Variants in HHIPL2 observed in about 807,000 individuals in gnomAD.
HHIPL2 encodes HHIP like 2.
In HHIPL2, 61 loss-of-function variants were observed where a neutral mutation model predicts 61.0. That is an observed-to-expected ratio of 1.00 (90% CI 0.81 to 1.24). The LOEUF is 1.24. Ranked by LOEUF, HHIPL2 falls within the 50% of genes most tolerant of loss-of-function variation. HHIPL2 has a pLI of 0.00. For missense variants in HHIPL2, 885 were observed against 910.2 expected (o/e 0.97, Z 0.36); for synonymous variants, 343 against 357.4 (o/e 0.96, Z 0.45).
At chr1:222,540,849 T>A (rs956422193) in intron 3 of HHIPL2, among the ~76,000 whole-genome samples, 1 of 152,266 alleles carries the variant, frequency 6.6e-6, no homozygotes, top group Non-Finnish European at 1.5e-5. Context: ...ACTGATGGCC[T>A]TGTGCCACTG....
rs1454764311 is a variant in HHIPL2 at position 222,522,406 on chromosome 1, C to T, written c.*195G>A. On this transcript the variant is annotated 3_prime_UTR_variant, in exon 9 of 9. Coordinates refer to ENST00000343410, the MANE Select transcript of HHIPL2 (RefSeq NM_024746.4). Reference sequence around the variant, plus strand: ...CAGCAATCTGGGATATGGTCTCCCACAGAAGCACTGCATACAGAGAAGGTG... The same window carrying T: ...CAGCAATCTGGGATATGGTCTCCCATAGAAGCACTGCATACAGAGAAGGTG... 4 of 630,686 alleles carry T rather than the reference C, an allele frequency of 6.3e-6. No homozygotes were observed. The highest frequency in any genetic ancestry group is 1.1e-5 in the Non-Finnish European group (4 of 358,640). 39.1% of individuals were successfully genotyped at this position (630,686 alleles called of 1,614,324 possible). A position where few individuals can be genotyped will look rare whatever the true frequency, so the allele number is the denominator to read the frequency against.
At chr1:222,541,597 C>T (rs1659433801) in intron 3 of HHIPL2, among the ~76,000 whole-genome samples, 2 of 152,048 alleles carry the variant, frequency 1.3e-5, no homozygotes, top group Admixed American at 6.5e-5. Context: ...GTACTTAGAC[C>T]AATGCCTGAC....
chr1:222,526,817 T>C, intron 7 of HHIPL2, 152 bp downstream of exon 7: 1 of 605,468 alleles, frequency 1.7e-6, no homozygotes, highest in Non-Finnish European at 3.0e-6. Flanking sequence ...ATAATTGCTA[T>C]AGATGCATTG....
intron 5 of HHIPL2, among the ~76,000 whole-genome samples, chr1:222,538,076 C>T (rs907308747): frequency 6.6e-6 from 1 of 152,072 alleles, no homozygotes; most frequent in Non-Finnish European, 1.5e-5. Context: ...ATCCCACAGA[C>T]ATTACCAAAT....
rs200816822 is a variant in HHIPL2 at position 222,542,112 on chromosome 1, C to T, written c.1018G>A (p.Gly340Arg). 2.5e-5 allele frequency: 41 copies of T among 1,613,838 alleles called. No individual in the cohort carries two copies. The highest frequency in any genetic ancestry group is 6.7e-5 in the African/African-American group (5 of 74,966). ...CCATCCAGGCCAAAAAGAAGTTGTC[C>T]GCCATTATGGTTTGAGGCTGGTTCT... ...IEEPASNHNGGQLLFGLDGYM... is the reference protein window; with the variant it reads ...IEEPASNHNGRQLLFGLDGYM... Residue 340 changes from glycine (G) to arginine (R), a missense_variant, in exon 3 of 9, where the codon GGA becomes AGA. Transcript: ENST00000343410.
intron 2 of HHIPL2, 78 bp downstream of exon 2, chr1:222,543,459 C>T: frequency 7.4e-7 from 1 of 1,351,006 alleles, no homozygotes; most frequent in Non-Finnish European, 1.0e-6. Context: ...AGTGAAGTTC[C>T]CCTCTATTAT....
intron 5 of HHIPL2, among the ~76,000 whole-genome samples, chr1:222,534,761 G>A (rs1026672012): frequency 2.0e-4 from 31 of 151,768 alleles, no homozygotes; most frequent in African/African-American, 6.8e-4. Flanking sequence ...CATAGCAATG[G>A]AAACTACCCA....
In HHIPL2 at chr1:222,532,615, CA is replaced by C. The variant is rs34544375; in HGVS notation, c.1578-505del. Among the ~76,000 whole-genome samples the C allele has an allele frequency of 2.3e-3, 317 of 137,646 alleles. 1 individual carries two copies. The highest frequency in any genetic ancestry group is 3.4e-3 in the Admixed American group (47 of 13,988). 90.3% of individuals were successfully genotyped at this position (137,646 alleles called of 152,430 possible). A position where few individuals can be genotyped will look rare whatever the true frequency, so the allele number is the denominator to read the frequency against. On this transcript the variant is annotated intron_variant, in intron 5 of 8. Transcript: ENST00000343410. ...TGGGTGACAGAGCAAGACTTTGTCTCAAAAAAAAAAAAAAGAGTTTGACGTG... is the reference window on the plus strand; with the variant it reads ...TGGGTGACAGAGCAAGACTTTGTCTCAAAAAAAAAAAAAGAGTTTGACGTG...
Position 222,547,749 on chromosome 1 carries a change from T to G in HHIPL2, c.296A>C (p.Asp99Ala). ...FDLKRHELCG[D>A]YIKDILCQEC... ...CTGGCAAAGGATGTCTTTAATGTAA[T>G]CTCCACACAGCTCATGTCTCTTCAG... The change falls in exon 1 of 9, where the codon GAT becomes GCT. Residue 99 changes from aspartate to alanine, a missense_variant. Coordinates refer to ENST00000343410, the MANE Select transcript of HHIPL2 (RefSeq NM_024746.4). 1 of 1,613,826 alleles carries G rather than the reference T, an allele frequency of 6.2e-7. No homozygotes were observed. Among genetic ancestry groups the G allele is most frequent in the Non-Finnish European group, 8.5e-7 (1 of 1,179,758 alleles).
intron 7 of HHIPL2, chr1:222,525,161 T>C (rs2102608436): frequency 6.6e-6 from 1 of 152,292 alleles, no homozygotes; most frequent in East Asian, 1.9e-4. Flanking sequence ...CTGTGTGGCT[T>C]CTCACAGCTG....
At chr1:222,523,733 T>A (rs1164508774) in intron 7 of HHIPL2, 39 bp from the exon 8 acceptor site, 1 of 1,597,660 alleles carries the variant, frequency 6.3e-7, no homozygotes, top group South Asian at 1.1e-5. Context: ...CGCAAGACTC[T>A]GAAGATGCAA....
In HHIPL2 at chr1:222,544,128, T is replaced by G; in HGVS notation, c.383A>C (p.Asn128Thr). ...GTAATCAGAGCAGAGGCCCGGGAGA[T>G]TCCGGAGAGGCGTCTGGGTGTTTTC... is the stretch of plus-strand genomic sequence containing the variant. ...DAENTQTPLRNLPGLCSDYCS... is the reference protein window; with the variant it reads ...DAENTQTPLRTLPGLCSDYCS... The change falls in exon 2 of 9, where the codon AAT (asparagine) becomes ACT (threonine). Residue 128 changes from asparagine (N) to threonine (T), a missense_variant. Physicochemically the swap from Asn to Thr is moderately conservative, Grantham distance 65. Transcript: ENST00000343410. The G allele has an allele frequency of 6.2e-7, 1 of 1,613,808 alleles. No homozygotes were observed. Among genetic ancestry groups the G allele is most frequent in the Non-Finnish European group, 8.5e-7 (1 of 1,180,004 alleles).
chr1:222,523,585 G>A (rs1244239700), intron 8 of HHIPL2, 27 bp downstream of exon 8: 3 of 1,609,680 alleles, frequency 1.9e-6, no homozygotes, highest in South Asian at 1.1e-5. Flanking sequence ...ACCAAGGCCT[G>A]AGCCTAAGAC....
chr1:222,545,748 T>C (rs1324788963), intron 1 of HHIPL2, among the ~76,000 whole-genome samples: 3 of 152,070 alleles, frequency 2.0e-5, no homozygotes, highest in Admixed American at 6.6e-5. Context: ...ATAAGGTCTC[T>C]AGCCAGGCGC....
chr1:222,534,397 C>A (rs1659254799), intron 5 of HHIPL2, among the ~76,000 whole-genome samples: 1 of 151,896 alleles, frequency 6.6e-6, no homozygotes, highest in Non-Finnish European at 1.5e-5. Context: ...AACAATGATT[C>A]TAAACCCCGT....
In HHIPL2 at chr1:222,540,123, C is replaced by A. The variant is rs1659398213; in HGVS notation, c.1337G>T (p.Gly446Val). 6.2e-7 allele frequency: 1 copy of A among 1,614,152 alleles called. No individual in the cohort carries two copies. Among genetic ancestry groups the A allele is most frequent in the African/African-American group, 1.3e-5 (1 of 74,954 alleles). ...GTCAACCTCTTCAAACCTGTTCTGG[C>A]CCACGTCCCCACAGAATATCCGGCC... ...GRGRIFCGDV[G>V]QNRFEEVDLI... Residue 446 changes from glycine (G) to valine (V), a missense_variant, in exon 4 of 9, where the codon GGC (glycine) becomes GTC (valine). Coordinates refer to ENST00000343410, the MANE Select transcript of HHIPL2 (RefSeq NM_024746.4).
intron 6 of HHIPL2, among the ~76,000 whole-genome samples, chr1:222,531,684 G>T (rs1298171559): frequency 1.3e-5 from 2 of 152,096 alleles, no homozygotes; most frequent in African/African-American, 2.4e-5. Flanking sequence ...GGAAGCGGAG[G>T]TTGCAGTAAG....
chr1:222,536,900 T>A (rs1466562305), intron 5 of HHIPL2, among the ~76,000 whole-genome samples: 12 of 133,812 alleles, frequency 9.0e-5, no homozygotes, highest in East Asian at 4.4e-4. Flanking sequence ...AAAAAAAATT[T>A]TTTTTAATTA....
At chr1:222,537,561 G>C (rs555963308) in intron 5 of HHIPL2, among the ~76,000 whole-genome samples, 12 of 151,454 alleles carry the variant, frequency 7.9e-5, no homozygotes, top group Non-Finnish European at 1.8e-4. Flanking sequence ...AACCCCGGGA[G>C]GTGGAGCTTG....
Sources: allele counts gnomAD v4.1 joint callset (sites outside exome capture counted in the v4.1 genomes callset), GRCh38; gene constraint gnomAD v4.1.1; transcripts MANE v1.5; gene names NCBI Gene and HGNC (gene_info 2026-07-23, HGNC 2026-07-21).